Variants in RASSF7 observed in about 807,000 individuals in gnomAD.
RASSF7 encodes ras association domain-containing protein 7.
In RASSF7, 41 loss-of-function variants were observed where a neutral mutation model predicts 33.8. The ratio of observed to expected loss-of-function variants is 1.21; its 90% CI spans 0.95 to 1.57. The LOEUF (loss-of-function observed/expected upper bound fraction) is 1.57. Ranked by LOEUF, RASSF7 falls within the 40% of genes most tolerant of loss-of-function variation. RASSF7 has a pLI of 0.00. For missense variants in RASSF7, 622 were observed against 497.0 expected, an observed-to-expected ratio of 1.25 and a Z score of -2.39; for synonymous variants, 298 against 212.8, an observed-to-expected ratio of 1.40 and a Z score of -3.48.
chr11:563,366 C>T, intron 4 of RASSF7, 30 bp from the exon 5 acceptor site: 1 of 1,609,020 alleles, frequency 6.2e-7, no homozygotes, highest in East Asian at 2.2e-5. Flanking sequence ...CTGGCCCAGC[C>T]CCACTCCAAG....
At position 563,248 on chromosome 11, in the gene RASSF7, G is replaced by C. The variant is rs1159207754; in HGVS notation, c.882G>C (p.Gln294His). Residue 294 changes from glutamine (Q) to histidine (H), a missense_variant, in exon 4 of 6, where the codon CAG (glutamine) becomes CAC (histidine). By Grantham distance (24) the Gln-to-His change is conservative. Coordinates refer to ENST00000397583, the MANE Select transcript of RASSF7 (RefSeq NM_003475.4). ...AGCTCCGTCAGTGCAACCTGCAGCA[G>C]TTCATCCAGCAGACCGGGGCTGCGC... ...NRELRQCNLQ[Q>H]FIQQTGAALP... is the part of the protein sequence containing the mutation. 2.5e-6 allele frequency: 4 copies of C among 1,610,742 alleles called. No individual in the cohort carries two copies. In the South Asian group the frequency reaches 4.4e-5, roughly 18 times the overall value.
At chr11:563,109 C>A (rs1158729754) in intron 3 of RASSF7, 80 bp from the exon 4 acceptor site, 5 of 1,381,284 alleles carry the variant, frequency 3.6e-6, no homozygotes, top group Non-Finnish European at 4.9e-6. Flanking sequence ...CAGGGCCCGA[C>A]CAGGGAAAGT....
At position 561,008 on chromosome 11, in the gene RASSF7, G is replaced by A. The variant is rs1853264010; in HGVS notation, c.-477G>A. Reference sequence around the variant, plus strand: ...CGGCAGGTTGCGGCGGCGCCGGAGCGGGTCTCCAGGCTGGCGAGCGCCCAG... The same window carrying A: ...CGGCAGGTTGCGGCGGCGCCGGAGCAGGTCTCCAGGCTGGCGAGCGCCCAG... On this transcript the variant is annotated 5_prime_UTR_variant, in exon 1 of 6. Coordinates refer to ENST00000397583, the MANE Select transcript of RASSF7 (RefSeq NM_003475.4). 54 of 1,027,794 alleles carry A rather than the reference G, an allele frequency of 5.3e-5. No individual in the cohort carries two copies. The South Asian group carries it at 2.2e-3, about 41-fold the overall frequency. The allele number at this position is 1,027,794 out of a possible 1,614,324, so 63.7% of individuals were successfully genotyped here.
rs1387670846 is a variant in RASSF7, at chr11:562,668, T to C, written c.714T>C (p.Thr238=). 4.5e-6 allele frequency: 7 copies of C among 1,543,836 alleles called. No individual in the cohort carries two copies. Among genetic ancestry groups the C allele is most frequent in the Non-Finnish European group, 6.1e-6 (7 of 1,146,846 alleles). The change falls in exon 3 of 6, where the codon ACT becomes ACC. Residue 238 remains threonine (T), a synonymous_variant. Transcript: ENST00000397583. ...PGPPSPMASA[T]ERLHQDLAVQ... is the part of the protein sequence containing the mutation. ...CCCCCTCACCTATGGCATCTGCCAC[T>C]GAGCGCCTGCACCAGGACCTGGCTG...
At position 562,482 on chromosome 11, in the gene RASSF7, G is replaced by A. The variant is rs371927899; in HGVS notation, c.528G>A (p.Glu176=). The part of the protein sequence containing the change: ...AEELGHEAFW[E]QELRREQARE... ...AGCTGGGCCATGAGGCCTTCTGGGA[G>A]CAAGAGCTGCGCCGGGAGCAGGCCC... is the stretch of plus-strand genomic sequence containing the variant. The change falls in exon 3 of 6, where the codon GAG becomes GAA. Residue 176 remains glutamate, a synonymous_variant. Coordinates refer to ENST00000397583, the MANE Select transcript of RASSF7 (RefSeq NM_003475.4). 5.6e-5 allele frequency: 87 copies of A among 1,550,120 alleles called. No homozygotes were observed. The highest frequency in any genetic ancestry group is 7.1e-5 in the Non-Finnish European group (81 of 1,146,934).
rs1564822078 is a variant in RASSF7, at chr11:561,088, C to T, written c.-397C>T. 20 of 986,808 alleles carry T rather than the reference C, an allele frequency of 2.0e-5. No homozygotes were observed. The highest frequency in any genetic ancestry group is 2.4e-5 in the Non-Finnish European group (20 of 831,206). 61.1% of individuals were successfully genotyped at this position (986,808 alleles called of 1,614,324 possible). A position where few individuals can be genotyped will look rare whatever the true frequency, so the allele number is the denominator to read the frequency against. ...GAGCGCGGGGCGCGCCTCGAGCCGG[C>T]CGGACGCCGACTCCAACTGGGGAGA... On this transcript the variant is annotated 5_prime_UTR_variant, in exon 1 of 6. Transcript: ENST00000397583.
rs1853446499 is a variant in RASSF7, at chr11:563,708, G to C, written c.*63G>C. 5.5e-6 allele frequency: 8 copies of C among 1,450,406 alleles called. No individual in the cohort carries two copies. The highest frequency in any genetic ancestry group is 7.5e-6 in the Non-Finnish European group (8 of 1,068,152). The allele number at this position is 1,450,406 out of a possible 1,614,324, so 89.8% of individuals were successfully genotyped here. A position where few individuals can be genotyped will look rare whatever the true frequency, so the allele number is the denominator to read the frequency against. ...CACAGAAGGAGAGTTGGCGGTCACA[G>C]AGGGCTCCTCTGCCAGGCAGTGGGA... is the stretch of plus-strand genomic sequence containing the variant. On this transcript the variant is annotated 3_prime_UTR_variant, in exon 6 of 6. Transcript: ENST00000397583.
rs1228376156 is a variant in RASSF7 at position 562,791 on chromosome 11, C to T, written c.822+15C>T. On this transcript the variant is annotated intron_variant, in intron 3 of 5. Transcript: ENST00000397583. ...GAGCCTTGCAGGTGAGCCCGGGGAC[C>T]TGATCCCCTGTCACTCCCCCACCCC... 2.7e-6 allele frequency: 4 copies of T among 1,456,836 alleles called. No homozygotes were observed. In the Admixed American group the frequency reaches 1.0e-4, roughly 37 times the overall value. 90.2% of individuals were successfully genotyped at this position (1,456,836 alleles called of 1,614,324 possible). A position where few individuals can be genotyped will look rare whatever the true frequency, so the allele number is the denominator to read the frequency against.
At position 563,680 on chromosome 11, in the gene RASSF7, G is replaced by A. The variant is rs778086390; in HGVS notation, c.*35G>A. The A allele has an allele frequency of 1.3e-6, 2 of 1,559,396 alleles. No individual in the cohort carries two copies. Among genetic ancestry groups the A allele is most frequent in the Non-Finnish European group, 1.7e-6 (2 of 1,148,544 alleles). ...GAGGGCTGCAAGACCATCCTGCCCG[G>A]ACCACAGAAGGAGAGTTGGCGGTCA... On this transcript the variant is annotated 3_prime_UTR_variant, in exon 6 of 6. Transcript: ENST00000397583.
chr11:563,642 G>T lies in RASSF7; in HGVS notation c.1119G>T (p.Leu373=). 1 of 1,609,102 alleles carries T rather than the reference G, an allele frequency of 6.2e-7. No individual in the cohort carries two copies. The highest frequency in any genetic ancestry group is 1.1e-5 in the South Asian group (1 of 90,902). ...CTCTGGCAGCCCAGCCCCAGGCTCTGTGACAGCCTAGTGAGGGCTGCAAGA... is the reference window on the plus strand; with the variant it reads ...CTCTGGCAGCCCAGCCCCAGGCTCTTTGACAGCCTAGTGAGGGCTGCAAGA... ...WCPLAAQPQA[L] The change falls in exon 6 of 6, where the codon CTG becomes CTT. Residue 373 remains leucine (L), a synonymous_variant. Transcript: ENST00000397583.
In RASSF7 at chr11:561,206, G is replaced by A. The variant is rs1853279517; in HGVS notation, c.-279G>A. 1.0e-6 allele frequency: 1 copy of A among 984,962 alleles called. No individual in the cohort carries two copies. The highest frequency in any genetic ancestry group is 1.7e-5 in the African/African-American group (1 of 57,180). 61.0% of individuals were successfully genotyped at this position (984,962 alleles called of 1,614,324 possible). On this transcript the variant is annotated 5_prime_UTR_variant, in exon 1 of 6. Coordinates refer to ENST00000397583, the MANE Select transcript of RASSF7 (RefSeq NM_003475.4). ...ACGCCCTGGCTCCCGCCAGGCTGGG[G>A]TCGCGGCGCGGGCTTCGGTGCCCGC...
chr11:561,024 G>A lies in RASSF7; in HGVS notation c.-461G>A, dbSNP rs1237695760. The A allele has an allele frequency of 5.9e-6, 6 of 1,009,362 alleles. No homozygotes were observed. Among genetic ancestry groups the A allele is most frequent in the African/African-American group, 1.7e-5 (1 of 57,886 alleles). 62.5% of individuals were successfully genotyped at this position (1,009,362 alleles called of 1,614,324 possible). Reference sequence around the variant, plus strand: ...CGCCGGAGCGGGTCTCCAGGCTGGCGAGCGCCCAGGTGAGCCGCGCCGGGT... The same window carrying A: ...CGCCGGAGCGGGTCTCCAGGCTGGCAAGCGCCCAGGTGAGCCGCGCCGGGT... On this transcript the variant is annotated 5_prime_UTR_variant, in exon 1 of 6. Coordinates refer to ENST00000397583, the MANE Select transcript of RASSF7 (RefSeq NM_003475.4).
intron 2 of RASSF7, 35 bp from the exon 3 acceptor site, chr11:562,044 G>A (rs1394750197): frequency 6.7e-7 from 1 of 1,503,004 alleles, no homozygotes; most frequent in African/African-American, 1.4e-5. Context: ...AGAGAGTCGG[G>A]GGGACATAGG....
chr11:561,221 T>C lies in RASSF7; in HGVS notation c.-264T>C, dbSNP rs1589837139. The stretch of plus-strand genomic sequence containing the variant: ...CCAGGCTGGGGTCGCGGCGCGGGCT[T>C]CGGTGCCCGCGGCGGGGACCGGGAC... On this transcript the variant is annotated 5_prime_UTR_variant, in exon 1 of 6. Coordinates refer to ENST00000397583, the MANE Select transcript of RASSF7 (RefSeq NM_003475.4). The C allele has an allele frequency of 2.0e-6, 2 of 984,908 alleles. No homozygotes were observed. Among genetic ancestry groups the C allele is most frequent in the East Asian group, 2.3e-4 (2 of 8,736 alleles). The allele number at this position is 984,908 out of a possible 1,614,324, so 61.0% of individuals were successfully genotyped here. A position where few individuals can be genotyped will look rare whatever the true frequency, so the allele number is the denominator to read the frequency against.
At chr11:564,022 TTGAG>T (rs1456077126) in exon 6 of RASSF7, 2 of 291,118 alleles carry the variant, frequency 6.9e-6, no homozygotes, top group East Asian at 7.1e-5. Flanking sequence ...CCGAAGCAGC[TTGAG>T]TGTGTGTGGA....
Position 561,487 on chromosome 11 carries a change from G to A in RASSF7, c.-8+10G>A. The A allele has an allele frequency of 2.3e-6, 3 of 1,317,456 alleles. No individual in the cohort carries two copies. In the South Asian group the frequency reaches 5.4e-5, roughly 24 times the overall value. The allele number at this position is 1,317,456 out of a possible 1,614,324, so 81.6% of individuals were successfully genotyped here. Reference sequence around the variant, plus strand: ...GTGTCCTCCGAGCCAGGTGAGGCGAGTAGGAAATGCTGGATCTGGTTAATG... The same window carrying A: ...GTGTCCTCCGAGCCAGGTGAGGCGAATAGGAAATGCTGGATCTGGTTAATG... On this transcript the variant is annotated intron_variant, in intron 1 of 5. Coordinates refer to ENST00000397583, the MANE Select transcript of RASSF7 (RefSeq NM_003475.4).
Position 561,851 on chromosome 11 carries a change from C to A in RASSF7, c.83C>A (p.Thr28Asn). ...GTGGTCTGTGGGGTCTCAGAGCAGA[C>A]CACCTGCCAGGAAGTGGTCATCGCA... ...QRVVCGVSEQ[T>N]TCQEVVIALA... The change falls in exon 2 of 6, where the codon ACC becomes AAC. Residue 28 changes from threonine to asparagine, a missense_variant. Thr to Asn is a moderately conservative substitution (Grantham distance 65). Coordinates refer to ENST00000397583, the MANE Select transcript of RASSF7 (RefSeq NM_003475.4). 1 of 1,613,472 alleles carries A rather than the reference C, an allele frequency of 6.2e-7. No homozygotes were observed. Among genetic ancestry groups the A allele is most frequent in the Non-Finnish European group, 8.5e-7 (1 of 1,179,990 alleles).
chr11:561,740 G>A (rs763996126), intron 1 of RASSF7, 22 bp from the exon 2 acceptor site: 18 of 1,612,718 alleles, frequency 1.1e-5, no homozygotes, highest in Non-Finnish European at 1.5e-5. Flanking sequence ...GTCCTGACCC[G>A]GTGCCTGCGC....
rs200785518 is a variant in RASSF7 at position 562,071 on chromosome 11, C to T, written c.125-8C>T. The T allele has an allele frequency of 2.7e-5, 40 of 1,504,286 alleles. No individual in the cohort carries two copies. In the East Asian group the frequency reaches 8.3e-4, roughly 31 times the overall value. The allele number at this position is 1,504,286 out of a possible 1,614,324, so 93.2% of individuals were successfully genotyped here. On this transcript the variant is annotated splice_polypyrimidine_tract_variant and splice_region_variant and intron_variant, in intron 2 of 5. Transcript: ENST00000397583. ...GGACATAGGCTGACCTTCTCCTCTT[C>T]TTCCCAGGCCAGACTGGCCGCTTTG... is the stretch of plus-strand genomic sequence containing the variant.
Sources: gnomAD v4.1 joint callset for allele counts on GRCh38, gnomAD v4.1.1 for gene constraint, MANE v1.5 for transcripts, NCBI Gene and HGNC (gene_info 2026-07-23, HGNC 2026-07-21) for gene names.